INTS6: variants seen among roughly 807,000 people sequenced by gnomAD.
The protein encoded by INTS6 is DEAD box protein.
In INTS6, 16 loss-of-function variants were observed where a neutral mutation model predicts 104.9. The ratio of observed to expected loss-of-function variants is 0.15; its 90% CI spans 0.10 to 0.23. The LOEUF is 0.23. Ranked by LOEUF, INTS6 falls within the 10% of genes least tolerant of loss-of-function variation. The pLI, the probability that INTS6 is intolerant of heterozygous loss-of-function variation, is 1.00. For synonymous variants in INTS6, 324 were observed against 358.7 expected (o/e 0.90, Z 1.09); for missense variants, 584 against 1,062.8 (o/e 0.55, Z 6.26).
chr13:51,350,665 T>C (rs977520816), downstream of INTS6, among the ~76,000 whole-genome samples: 9 of 152,126 alleles, frequency 5.9e-5, no homozygotes, highest in Admixed American at 5.9e-4. Context: ...ATTATAAAAT[T>C]CACCATTTTA....
At chr13:51,382,517 CCTCA>C (rs1956072160) in intron 9 of INTS6, among the ~76,000 whole-genome samples, 1 of 152,142 alleles carries the variant, frequency 6.6e-6, no homozygotes, top group Admixed American at 6.5e-5. Context: ...CAACAGCACT[CCTCA>C]AAAATGATAG....
chr13:51,419,612 G>A (rs867265100), intron 4 of INTS6, among the ~76,000 whole-genome samples: 2 of 152,144 alleles, frequency 1.3e-5, no homozygotes, highest in South Asian at 2.1e-4. Context: ...TTATTAGCTT[G>A]TGCTTTAATA....
At chr13:51,438,837 TG>T (rs1195642619) in intron 3 of INTS6, 1 of 152,240 alleles carries the variant, frequency 6.6e-6, no homozygotes, top group Non-Finnish European at 1.5e-5. Flanking sequence ...TGCTAATTCC[TG>T]ATAATCCAAA....
chr13:51,404,103 CAG>C (rs376831870), intron 4 of INTS6, among the ~76,000 whole-genome samples: 2,968 of 103,730 alleles, frequency 0.029, 39 homozygotes, highest in East Asian at 0.041. Context: ...CACACACACA[CAG>C]AGAGAGAGAG....
Position 51,432,620 on chromosome 13 carries a change from CAGCCT to C in INTS6, c.340-2242_340-2238del, listed in dbSNP as rs1471239942. On this transcript the variant is annotated intron_variant, in intron 3 of 17. Transcript: ENST00000311234. ...TCACTGAATATAGCTTAATACAAAT[CAGCCT>C]GGGTTCACAGAACCATTTAGAATTA... 3.4e-3 allele frequency among the ~76,000 whole-genome samples: 518 copies of C among 152,280 alleles called. 3 individuals are homozygous for C. Among genetic ancestry groups the C allele is most frequent in the African/African-American group, 0.012 (491 of 41,572 alleles).
chr13:51,340,914 C>T, the INTS6 span: 1 of 642,270 alleles, frequency 1.6e-6, no homozygotes. Context: ...GCCCAGACGG[C>T]TGGGCCTCAG....
At chr13:51,393,426 T>C (rs1956280954) in intron 5 of INTS6, among the ~76,000 whole-genome samples, 1 of 152,172 alleles carries the variant, frequency 6.6e-6, no homozygotes, top group Admixed American at 6.5e-5. Context: ...TGATTACATA[T>C]TTGGATAGTG....
intron 3 of INTS6, chr13:51,445,893 G>T (rs1016565853): frequency 1.3e-5 from 2 of 152,098 alleles, no homozygotes; most frequent in Non-Finnish European, 2.9e-5. Flanking sequence ...AAAGAATGAA[G>T]TTGGACCCTT....
downstream of INTS6, among the ~76,000 whole-genome samples, chr13:51,359,578 C>T (rs1463618248): frequency 6.6e-6 from 1 of 152,086 alleles, no homozygotes; most frequent in Non-Finnish European, 1.5e-5. Flanking sequence ...GACTCATCCA[C>T]ATCAACTGGT....
At chr13:51,438,966 A>G (rs1026250873) in intron 3 of INTS6, 2 of 152,234 alleles carry the variant, frequency 1.3e-5, no homozygotes, top group African/African-American at 4.8e-5. Flanking sequence ...CAATTATTTC[A>G]GAATAATTCT....
chr13:51,417,512 T>C (rs1403943397), intron 4 of INTS6, among the ~76,000 whole-genome samples: 1 of 145,600 alleles, frequency 6.9e-6, no homozygotes. Context: ...TGGAGTGCAA[T>C]GGCGCGATCT....
At chr13:51,355,136 A>G (rs752468973) in intron 3 of INTS6, 6 of 1,501,334 alleles carry the variant, frequency 4.0e-6, no homozygotes, top group Non-Finnish European at 5.4e-6. Context: ...ACTTGAAAGG[A>G]ATTTCAGGTA....
intron 4 of INTS6, among the ~76,000 whole-genome samples, chr13:51,423,994 G>C (rs1233100300): frequency 1.3e-5 from 2 of 151,974 alleles, no homozygotes; most frequent in Non-Finnish European, 2.9e-5. Flanking sequence ...AAGAACAAAG[G>C]CATGTGTATT....
In INTS6 at chr13:51,444,243, C is replaced by G. The variant is rs895619285; in HGVS notation, c.339+6782G>C. 3.9e-4 allele frequency: 59 copies of G among 150,518 alleles called. 1 individual carries two copies. The highest frequency in any genetic ancestry group is 1.2e-3 in the African/African-American group (50 of 40,018). The allele number at this position is 150,518 out of a possible 1,614,324, so 9.3% of individuals were successfully genotyped here. A position where few individuals can be genotyped will look rare whatever the true frequency, so the allele number is the denominator to read the frequency against. ...AGGACTACAGGCACATGCCACCACC[C>G]CCCAGCTAATTTTTTTTTTTTTTTT... On this transcript the variant is annotated intron_variant, in intron 3 of 17. Coordinates refer to ENST00000311234, the MANE Select transcript of INTS6 (RefSeq NM_012141.3).
the INTS6 span, among the ~76,000 whole-genome samples, chr13:51,342,687 T>C: frequency 6.6e-6 from 1 of 152,130 alleles, no homozygotes; most frequent in African/African-American, 2.4e-5. Flanking sequence ...GGTGGAAAGA[T>C]GGAGAGGAGA....
intron 4 of INTS6, among the ~76,000 whole-genome samples, chr13:51,408,177 CTT>C (rs996487399): frequency 6.8e-6 from 1 of 146,204 alleles, no homozygotes; most frequent in African/African-American, 2.5e-5. Flanking sequence ...GAGTTTCGCT[CTT>C]GTTGCCCAGG....
chr13:51,375,730 AGTGGGTGTGTGTGT>A (rs1053016761), intron 13 of INTS6, among the ~76,000 whole-genome samples: 11 of 126,878 alleles, frequency 8.7e-5, no homozygotes, highest in Middle Eastern at 7.6e-3. Flanking sequence ...CAGTTTGATA[AGTGGGTGTGTGTGT>A]GTGTGTGTGT....
chr13:51,418,890 A>T (rs1956844545), intron 4 of INTS6, among the ~76,000 whole-genome samples: 2 of 152,228 alleles, frequency 1.3e-5, no homozygotes, highest in Non-Finnish European at 1.5e-5. Context: ...AGAGTTGTAC[A>T]ACCATCACCA....
At chr13:51,440,179 A>G (rs1952767749) in intron 3 of INTS6, 2 of 151,970 alleles carry the variant, frequency 1.3e-5, no homozygotes, top group Non-Finnish European at 2.9e-5. Flanking sequence ...TGAACCCAGG[A>G]GGCAGAGCTT....
Sources: gnomAD v4.1 joint callset for allele counts (sites outside exome capture counted in the v4.1 genomes callset) on GRCh38, gnomAD v4.1.1 for gene constraint, MANE v1.5 for transcripts, NCBI Gene and HGNC (gene_info 2026-07-23, HGNC 2026-07-21) for gene names.